Variants in CDKL1 observed in about 807,000 individuals in gnomAD.
CDKL1 encodes the protein cyclin-dependent kinase-like 1.
A neutral mutation model predicts 42.0 loss-of-function variants in CDKL1; 41 were observed. That is an observed-to-expected ratio of 0.98 (90% CI 0.76 to 1.27). The LOEUF (loss-of-function observed/expected upper bound fraction) is 1.27. Ranked by LOEUF, CDKL1 falls within the 50% of genes most tolerant of loss-of-function variation. The pLI is 0.00. For synonymous variants in CDKL1, 153 were observed against 158.6 expected, an observed-to-expected ratio of 0.96 and a Z score of 0.26; for missense variants, 394 against 428.4, an observed-to-expected ratio of 0.92 and a Z score of 0.71.
chr14:50,342,883 CAA>C (rs762924552), intron 4 of CDKL1: 58 of 1,287,376 alleles, frequency 4.5e-5, no homozygotes, highest in Non-Finnish European at 5.9e-5. Context: ...ACAAGATAAA[CAA>C]GAGTAGGCAG....
At position 50,396,282 on chromosome 14, in the gene CDKL1, A is replaced by C; in HGVS notation, c.-414T>G. The C allele has an allele frequency of 9.7e-7, 1 of 1,027,860 alleles. No homozygotes were observed. Among genetic ancestry groups the C allele is most frequent in the Non-Finnish European group, 1.2e-6 (1 of 857,176 alleles). 63.7% of individuals were successfully genotyped at this position (1,027,860 alleles called of 1,614,324 possible). A position where few individuals can be genotyped will look rare whatever the true frequency, so the allele number is the denominator to read the frequency against. ...ACGTCGCTTATAAAATATTGGCACC[A>C]ACGGACTGCACTAGAGCCCCACCCA... On this transcript the variant is annotated 5_prime_UTR_variant, in exon 2 of 10. Transcript: ENST00000395834.
intron 9 of CDKL1, chr14:50,331,963 A>C: frequency 7.1e-7 from 1 of 1,409,288 alleles, no homozygotes; most frequent in Non-Finnish European, 9.4e-7. Context: ...CCAAAGCCCA[A>C]AAAGTCTCCT....
intron 2 of CDKL1, among the ~76,000 whole-genome samples, chr14:50,395,275 T>C (rs11157743): frequency 0.71 from 107,919 of 152,156 alleles, 38,572 homozygotes; most frequent in African/African-American, 0.79. Context: ...GGGAGAGAAA[T>C]TATGGGGAAG....
intron 9 of CDKL1, 199 bp downstream of exon 9, chr14:50,332,063 G>A: frequency 6.5e-7 from 1 of 1,547,468 alleles, no homozygotes; most frequent in Non-Finnish European, 8.7e-7. Flanking sequence ...GAAGCAGCAG[G>A]ACAAGGGCAC....
intron 4 of CDKL1, among the ~76,000 whole-genome samples, chr14:50,344,072 A>G (rs772569162): frequency 3.3e-5 from 5 of 152,230 alleles, no homozygotes; most frequent in Non-Finnish European, 7.3e-5. Flanking sequence ...CTAACTTTGG[A>G]ATCTGGTTTC....
chr14:50,378,282 T>A (rs748208634), intron 2 of CDKL1: 1 of 1,366,516 alleles, frequency 7.3e-7, no homozygotes, highest in South Asian at 1.1e-5. Flanking sequence ...CACGGACCTA[T>A]AATAGGATGA....
chr14:50,360,031 G>T (rs1463017051), intron 2 of CDKL1, among the ~76,000 whole-genome samples: 1 of 152,074 alleles, frequency 6.6e-6, no homozygotes, highest in African/African-American at 2.4e-5. Context: ...TTCACTATCA[G>T]ATCACAATTA....
chr14:50,334,499 A>AT, intron 8 of CDKL1, 66 bp downstream of exon 8: 3 of 909,532 alleles, frequency 3.3e-6, no homozygotes, highest in Non-Finnish European at 5.4e-6. Flanking sequence ...GACATAAGTA[A>AT]TTCAGATTCC....
chr14:50,353,042 T>G (rs2033949434), intron 3 of CDKL1, among the ~76,000 whole-genome samples: 1 of 152,216 alleles, frequency 6.6e-6, no homozygotes, highest in Non-Finnish European at 1.5e-5. Flanking sequence ...AGGAATAATT[T>G]ATCATTAGAT....
At chr14:50,346,631 A>C (rs2033732217) in intron 3 of CDKL1, among the ~76,000 whole-genome samples, 1 of 144,678 alleles carries the variant, frequency 6.9e-6, no homozygotes, top group Non-Finnish European at 1.5e-5. Flanking sequence ...TATTTTGATT[A>C]TTCAATAAAT....
chr14:50,389,946 C>G (rs868521703), intron 2 of CDKL1, among the ~76,000 whole-genome samples: 1 of 152,102 alleles, frequency 6.6e-6, no homozygotes, highest in African/African-American at 2.4e-5. Context: ...GACCGGGAGG[C>G]CTTGGCAAAT....
intron 4 of CDKL1, among the ~76,000 whole-genome samples, chr14:50,344,229 G>C (rs577290132): frequency 6.6e-6 from 1 of 152,132 alleles, no homozygotes; most frequent in East Asian, 1.9e-4. Flanking sequence ...TGCTTGGTTC[G>C]AGACTCGACA....
intron 3 of CDKL1, among the ~76,000 whole-genome samples, chr14:50,353,497 C>T (rs1308160816): frequency 6.7e-6 from 1 of 148,394 alleles, no homozygotes; most frequent in Admixed American, 6.8e-5. Context: ...GGGGTCTGGC[C>T]AAACTCTTGT....
In CDKL1 at chr14:50,326,320, G is replaced by A. The variant is rs1241279211; in HGVS notation, c.*3754C>T. 2.8e-5 allele frequency: 17 copies of A among 609,314 alleles called. 1 individual carries two copies. The South Asian group carries it at 1.2e-3, about 42-fold the overall frequency. The allele number at this position is 609,314 out of a possible 1,614,324, so 37.7% of individuals were successfully genotyped here. On this transcript the variant is annotated 3_prime_UTR_variant, in exon 10 of 10. Coordinates refer to ENST00000395834, the MANE Select transcript of CDKL1 (RefSeq NM_004196.7). ...AAATCTATAGATATCTCTTGATGTAGATATTTAGAATCCTTTAAAGTTATT... is the reference window on the plus strand; with the variant it reads ...AAATCTATAGATATCTCTTGATGTAAATATTTAGAATCCTTTAAAGTTATT...
At chr14:50,390,096 TTTGTCCAA>T (rs1212355463) in intron 2 of CDKL1, 4 of 1,247,484 alleles carry the variant, frequency 3.2e-6, no homozygotes, top group Non-Finnish European at 4.4e-6. Context: ...TACTTGGCAG[TTTGTCCAA>T]ATTTACTAGG....
intron 9 of CDKL1, chr14:50,330,589 A>C (rs1462103916): frequency 5.4e-6 from 1 of 186,862 alleles, no homozygotes; most frequent in East Asian, 1.8e-4. Flanking sequence ...CTTAGTTAAA[A>C]AGGCAAATCA....
Position 50,329,711 on chromosome 14 carries a change from T to G in CDKL1, c.*363A>C, listed in dbSNP as rs936099381. On this transcript the variant is annotated 3_prime_UTR_variant, in exon 10 of 10. Transcript: ENST00000395834. ...GATCCGAGGAAATATATATGGGCATTTTGTGGTTCATTTTTCTTGTGTGGC... is the reference window on the plus strand; with the variant it reads ...GATCCGAGGAAATATATATGGGCATGTTGTGGTTCATTTTTCTTGTGTGGC... The G allele has an allele frequency of 1.6e-4, 30 of 182,292 alleles. No individual in the cohort carries two copies. In the South Asian group the frequency reaches 3.1e-3, roughly 19 times the overall value. The allele number at this position is 182,292 out of a possible 1,614,324, so 11.3% of individuals were successfully genotyped here. A position where few individuals can be genotyped will look rare whatever the true frequency, so the allele number is the denominator to read the frequency against.
At chr14:50,358,796 C>T (rs924301151) in intron 3 of CDKL1, among the ~76,000 whole-genome samples, 10 of 151,862 alleles carry the variant, frequency 6.6e-5, no homozygotes, top group South Asian at 4.2e-4. Context: ...CCCGCCACCA[C>T]GCCCAGCTAA....
intron 2 of CDKL1, among the ~76,000 whole-genome samples, chr14:50,393,199 T>C (rs2035308371): frequency 6.6e-6 from 1 of 152,184 alleles, no homozygotes; most frequent in South Asian, 2.1e-4. Flanking sequence ...ATCACTTTAT[T>C]TTCACCATTC....
Sources: gnomAD v4.1 joint callset for allele counts (sites outside exome capture counted in the v4.1 genomes callset) on GRCh38, gnomAD v4.1.1 for gene constraint, MANE v1.5 for transcripts, NCBI Gene and HGNC (gene_info 2026-07-23, HGNC 2026-07-21) for gene names.